The following PSMD12 variants were observed in gnomAD, a reference collection of about 807,000 sequenced individuals.
PSMD12 encodes the protein proteasome 26S subunit, non-ATPase 12.
Under a neutral mutation model 62.9 loss-of-function variants are expected in PSMD12, and 8 were observed. The observed-to-expected ratio is 0.13, with a 90% CI of 0.07 to 0.23. The LOEUF is 0.23. PSMD12 is among the 10% of genes least tolerant of loss of function. The pLI, the probability that PSMD12 is intolerant of heterozygous loss-of-function variation, is 1.00. For missense variants in PSMD12, 424 were observed against 550.2 expected (o/e 0.77, Z 2.29); for synonymous variants, 173 against 187.4 (o/e 0.92, Z 0.63).
At position 67,339,859 on chromosome 17, in the gene PSMD12, C is replaced by T. The variant is rs1598549297; in HGVS notation, c.*984G>A. 2 of 152,020 alleles carry T rather than the reference C, an allele frequency of 1.3e-5. No individual in the cohort carries two copies. Among genetic ancestry groups the T allele is most frequent in the Admixed American group, 1.3e-4 (2 of 15,264 alleles). The allele number at this position is 152,020 out of a possible 1,614,324, so 9.4% of individuals were successfully genotyped here. A position where few individuals can be genotyped will look rare whatever the true frequency, so the allele number is the denominator to read the frequency against. On this transcript the variant is annotated 3_prime_UTR_variant, in exon 11 of 11. Transcript: ENST00000356126. ...ATTCCGTGAAAATATTTTAATACTA[C>T]ACCACTTACTATGAGGGTGGCCTGA...
intron 8 of PSMD12, among the ~76,000 whole-genome samples, chr17:67,345,100 T>C (rs188867572): frequency 6.6e-6 from 1 of 152,216 alleles, no homozygotes; most frequent in Non-Finnish European, 1.5e-5. Flanking sequence ...CTATTTTATA[T>C]AATAGATTTT....
At chr17:67,349,548 G>A (rs952727062) in intron 4 of PSMD12, among the ~76,000 whole-genome samples, 1 of 152,090 alleles carries the variant, frequency 6.6e-6, no homozygotes, top group African/African-American at 2.4e-5. Context: ...CTACATAAAC[G>A]GCACAGAAGA....
At chr17:67,351,349 G>A (rs1029607411) in intron 3 of PSMD12, among the ~76,000 whole-genome samples, 1 of 150,644 alleles carries the variant, frequency 6.6e-6, no homozygotes, top group Non-Finnish European at 1.5e-5. Flanking sequence ...CCAAGATCGC[G>A]CCACTGCACT....
intron 1 of PSMD12, chr17:67,362,818 A>G (rs1472456608): frequency 6.6e-6 from 1 of 152,210 alleles, no homozygotes; most frequent in Non-Finnish European, 1.5e-5. Context: ...TTTTCTCTTC[A>G]GCGAAGTGGG....
chr17:67,365,765 C>T (rs7207190), intron 1 of PSMD12, among the ~76,000 whole-genome samples: 151,931 of 152,200 alleles, frequency 1, 75,838 homozygotes, highest in Middle Eastern at 1. Flanking sequence ...TTACTAATTC[C>T]TCAAGACCCA....
chr17:67,357,621 A>G (rs1267241364), intron 1 of PSMD12, 43 bp from the exon 2 acceptor site: 1 of 1,562,114 alleles, frequency 6.4e-7, no homozygotes. Flanking sequence ...AACACACAAA[A>G]TGCAAATAAC....
chr17:67,346,806 A>C (rs558697843), intron 7 of PSMD12, among the ~76,000 whole-genome samples: 47 of 152,328 alleles, frequency 3.1e-4, no homozygotes, highest in African/African-American at 9.1e-4. Context: ...TATATATATA[A>C]ATAAGCCCCT....
At chr17:67,350,577 T>C (rs555844560) in intron 3 of PSMD12, among the ~76,000 whole-genome samples, 2 of 152,218 alleles carry the variant, frequency 1.3e-5, no homozygotes, top group African/African-American at 4.8e-5. Flanking sequence ...CAGGAAAACA[T>C]GGAAGAAATG....
chr17:67,347,217 G>C lies in PSMD12; in HGVS notation c.694C>G (p.Gln232Glu). 6.2e-7 allele frequency: 1 copy of C among 1,613,722 alleles called. No individual in the cohort carries two copies. Among genetic ancestry groups the C allele is most frequent in the Non-Finnish European group, 8.5e-7 (1 of 1,179,834 alleles). Reference sequence around the variant, plus strand: ...TAGGATCCCTCATGTTGATCCAGCTGAATCATTAAATTATAGTACTTCAAC... The same window carrying C: ...TAGGATCCCTCATGTTGATCCAGCTCAATCATTAAATTATAGTACTTCAAC... ...LKLKYYNLMI[Q>E]LDQHEGSYLS... The change falls in exon 7 of 11, where the codon CAG becomes GAG. Residue 232 changes from glutamine to glutamate, a missense_variant. Gln to Glu is a conservative substitution (Grantham distance 29). Coordinates refer to ENST00000356126, the MANE Select transcript of PSMD12 (RefSeq NM_002816.5).
Sources: allele counts gnomAD v4.1 joint callset (sites outside exome capture counted in the v4.1 genomes callset), GRCh38; gene constraint gnomAD v4.1.1; transcripts MANE v1.5; gene names NCBI Gene and HGNC (gene_info 2026-07-23, HGNC 2026-07-21).